Variants in WDPCP observed in about 807,000 individuals in gnomAD.
WDPCP encodes WD repeat containing planar cell polarity effector.
In WDPCP, 71 loss-of-function variants were observed where a neutral mutation model predicts 93.1. The ratio of observed to expected loss-of-function variants is 0.76; its 90% CI spans 0.63 to 0.93. The LOEUF (loss-of-function observed/expected upper bound fraction) is 0.93, where lower values mean the gene tolerates loss of function less well. Ranked by LOEUF, WDPCP falls within the 40% of genes least tolerant of loss-of-function variation. The probability of loss-of-function intolerance (pLI) is 0.00; values close to 1 mark genes in which losing one functional copy is unlikely to be tolerated. For synonymous variants in WDPCP, 315 were observed against 315.0 expected, an observed-to-expected ratio of 1.00 and a Z score of 0.00; for missense variants, 844 against 887.4, an observed-to-expected ratio of 0.95 and a Z score of 0.62.
rs147630110 is a variant in WDPCP at position 63,684,337 on chromosome 2, C to T, written n.309-33499G>A. The T allele has an allele frequency of 1.4e-3, 908 of 656,994 alleles. 9 individuals carry two copies. In the East Asian group the frequency reaches 0.026, roughly 19 times the overall value. 40.7% of individuals were successfully genotyped at this position (656,994 alleles called of 1,614,324 possible). A position where few individuals can be genotyped will look rare whatever the true frequency, so the allele number is the denominator to read the frequency against. On this transcript the variant is annotated intron_variant and non_coding_transcript_variant, in intron 2 of 4. Transcript: ENST00000467687. ...AAGTTCATGAAACCTGGGAAGGTGTCGCTTGTCCTGGCTGGACACTACTCT... is the reference window on the plus strand; with the variant it reads ...AAGTTCATGAAACCTGGGAAGGTGTTGCTTGTCCTGGCTGGACACTACTCT...
the WDPCP span, among the ~76,000 whole-genome samples, chr2:63,837,916 C>T: frequency 6.6e-6 from 1 of 152,058 alleles, no homozygotes; most frequent in African/African-American, 2.4e-5. Flanking sequence ...CAAGCCTGGC[C>T]AACACGCCGA....
At chr2:63,504,644 G>A (rs1345713432) in intron 1 of WDPCP, among the ~76,000 whole-genome samples, 1 of 151,866 alleles carries the variant, frequency 6.6e-6, no homozygotes, top group Non-Finnish European at 1.5e-5. Context: ...TGTGCTAAAT[G>A]GAGCCTTTTG....
chr2:63,588,285 C>G lies in WDPCP; in HGVS notation c.-14G>C, dbSNP rs1488504308. 1 of 1,568,794 alleles carries G rather than the reference C, an allele frequency of 6.4e-7. No homozygotes were observed. Among genetic ancestry groups the G allele is most frequent in the South Asian group, 1.2e-5 (1 of 85,746 alleles). Reference sequence around the variant, plus strand: ...CTCTCGCCTCATCACCAGACACTACCCCGGGCAGAAGGTTCCTAGGCTAGG... The same window carrying G: ...CTCTCGCCTCATCACCAGACACTACGCCGGGCAGAAGGTTCCTAGGCTAGG... On this transcript the variant is annotated 5_prime_UTR_variant, in exon 1 of 18. Coordinates refer to ENST00000272321, the MANE Select transcript of WDPCP (RefSeq NM_015910.7).
At chr2:63,366,729 T>TCTCC (rs1406026238) in intron 12 of WDPCP, among the ~76,000 whole-genome samples, 1 of 152,106 alleles carries the variant, frequency 6.6e-6, no homozygotes, top group African/African-American at 2.4e-5. Flanking sequence ...TCAGTATGTA[T>TCTCC]CTCCCTTCTT....
At chr2:63,477,343 G>A (rs1014460063) in intron 6 of WDPCP, among the ~76,000 whole-genome samples, 6 of 152,024 alleles carry the variant, frequency 3.9e-5, no homozygotes, top group Non-Finnish European at 8.8e-5. Flanking sequence ...AAAAATGTGA[G>A]AAATATATTA....
chr2:63,402,288 G>A (rs999269864), intron 10 of WDPCP, among the ~76,000 whole-genome samples: 2 of 152,078 alleles, frequency 1.3e-5, no homozygotes, highest in African/African-American at 2.4e-5. Flanking sequence ...GACACAGGGA[G>A]GGGAACAACA....
chr2:63,428,647 C>G (rs1696496546), intron 9 of WDPCP, among the ~76,000 whole-genome samples: 1 of 152,152 alleles, frequency 6.6e-6, no homozygotes, highest in Non-Finnish European at 1.5e-5. Context: ...AAGTTGGGAG[C>G]ATTCTCCTTG....
chr2:63,483,604 G>T (rs1700396683), intron 6 of WDPCP, among the ~76,000 whole-genome samples: 1 of 151,806 alleles, frequency 6.6e-6, no homozygotes, highest in South Asian at 2.1e-4. Context: ...GTTTATAATT[G>T]CTACAAATTT....
intron 3 of WDPCP, among the ~76,000 whole-genome samples, chr2:63,598,896 CAAA>C (rs1333463606): frequency 1.1e-4 from 8 of 72,222 alleles, no homozygotes; most frequent in African/African-American, 9.6e-5. Flanking sequence ...AAAGAGGTAC[CAAA>C]AAAAAAAAAA....
chr2:63,640,553 A>T (rs897066293), intron 3 of WDPCP, among the ~76,000 whole-genome samples: 1 of 152,204 alleles, frequency 6.6e-6, no homozygotes, highest in Non-Finnish European at 1.5e-5. Context: ...TTTTCTTTAT[A>T]ATGGTCCAAA....
At chr2:63,437,996 T>G in intron 7 of WDPCP, 2 of 1,309,804 alleles carry the variant, frequency 1.5e-6, no homozygotes, top group Middle Eastern at 2.1e-4. Flanking sequence ...AGTCTATTTA[T>G]TTAAAAAATT....
intron 9 of WDPCP, among the ~76,000 whole-genome samples, chr2:63,426,501 AG>A (rs2105397698): frequency 6.6e-6 from 1 of 152,354 alleles, no homozygotes; most frequent in South Asian, 2.1e-4. Context: ...AGTAATGCTA[AG>A]GGAATTCATT....
rs77765594 is a variant in WDPCP, at chr2:63,515,586, T to C, written c.76-22646A>G. 1.8e-3 allele frequency among the ~76,000 whole-genome samples: 270 copies of C among 152,346 alleles called. 1 individual carries two copies. The highest frequency in any genetic ancestry group is 6.4e-3 in the African/African-American group (265 of 41,560). ...TTTAGAGATTGCATTTATTTGTTTC[T>C]AAATCTTGGCAAATTTGGAAAATCG... On this transcript the variant is annotated intron_variant, in intron 1 of 17. Coordinates refer to ENST00000272321, the MANE Select transcript of WDPCP (RefSeq NM_015910.7).
chr2:63,154,157 AT>A (rs1672073110), intron 15 of WDPCP, among the ~76,000 whole-genome samples: 1 of 151,836 alleles, frequency 6.6e-6, no homozygotes, highest in Admixed American at 6.6e-5. Context: ...TTGTTTTAAA[AT>A]TTGTACTGTT....
chr2:63,552,461 T>C (rs1467920109), intron 1 of WDPCP, among the ~76,000 whole-genome samples: 1 of 152,162 alleles, frequency 6.6e-6, no homozygotes, highest in Non-Finnish European at 1.5e-5. Context: ...AAGAAGTAAT[T>C]CAACTTAAAA....
intron 1 of WDPCP, among the ~76,000 whole-genome samples, chr2:63,532,303 G>A (rs1703917219): frequency 6.6e-6 from 1 of 152,178 alleles, no homozygotes; most frequent in Non-Finnish European, 1.5e-5. Context: ...TATTATCCAG[G>A]AGAACTTCCC....
At chr2:63,764,075 G>A (rs1440763207) in intron 2 of WDPCP, among the ~76,000 whole-genome samples, 1 of 151,994 alleles carries the variant, frequency 6.6e-6, no homozygotes, top group African/African-American at 2.4e-5. Context: ...AAGTTATTTT[G>A]AAGTGTGCAA....
At chr2:63,555,642 C>T (rs978891187) in intron 1 of WDPCP, among the ~76,000 whole-genome samples, 3 of 152,148 alleles carry the variant, frequency 2.0e-5, no homozygotes, top group Admixed American at 2.0e-4. Context: ...GAGGATGGAG[C>T]AGGCAGCCAT....
chr2:63,830,735 AAAT>A (rs1446662368), upstream of WDPCP, among the ~76,000 whole-genome samples: 35 of 152,144 alleles, frequency 2.3e-4, no homozygotes, highest in Non-Finnish European at 4.6e-4. Flanking sequence ...TGGTTTTCTT[AAAT>A]AATTGGCTAT....
Sources: gnomAD v4.1 joint callset for allele counts (sites outside exome capture counted in the v4.1 genomes callset) on GRCh38, gnomAD v4.1.1 for gene constraint, MANE v1.5 for transcripts, NCBI Gene and HGNC (gene_info 2026-07-23, HGNC 2026-07-21) for gene names.